NODAL: variants seen among roughly 807,000 people sequenced by gnomAD.
NODAL encodes the protein nodal growth differentiation factor.
NODAL carries 12 observed loss-of-function variants against 34.0 expected under a neutral mutation model. The ratio of observed to expected loss-of-function variants is 0.35; its 90% confidence interval spans 0.23 to 0.57. The LOEUF is 0.57. NODAL is among the 20% of genes least tolerant of loss of function. NODAL has a pLI of 0.83. For synonymous variants in NODAL, 162 were observed against 186.4 expected (o/e 0.87, Z 1.07); for missense variants, 390 against 444.2 (o/e 0.88, Z 1.10).
intron 1 of NODAL, 198 bp from the exon 2 acceptor site, chr10:70,436,181 T>C (rs1845351393): frequency 4.8e-6 from 3 of 623,342 alleles, no homozygotes; most frequent in Non-Finnish European, 8.6e-6. Flanking sequence ...TCAGTGTGGT[T>C]AAAAGATCTG....
chr10:70,432,864 G>T lies in NODAL; in HGVS notation c.*72C>A. 1.3e-6 allele frequency: 2 copies of T among 1,564,278 alleles called. No individual in the cohort carries two copies. Among genetic ancestry groups the T allele is most frequent in the African/African-American group, 1.4e-5 (1 of 74,014 alleles). On this transcript the variant is annotated 3_prime_UTR_variant, in exon 3 of 3. Coordinates refer to ENST00000287139, the MANE Select transcript of NODAL (RefSeq NM_018055.5). Reference sequence around the variant, plus strand: ...TCTGTTTCTCCTTACTGGATTAGATGGTTATCATGTCTTCCAGGAGTTTCC... The same window carrying T: ...TCTGTTTCTCCTTACTGGATTAGATTGTTATCATGTCTTCCAGGAGTTTCC...
At chr10:70,434,905 A>G (rs1845323229) in intron 2 of NODAL, 1 of 261,912 alleles carries the variant, frequency 3.8e-6, no homozygotes, top group Non-Finnish European at 7.5e-6. Context: ...CCTAAACAGT[A>G]TCACACAGCT....
chr10:70,435,773 T>C lies in NODAL; in HGVS notation c.404A>G (p.Asp135Gly), dbSNP rs761797212. ...CTGGGACAAAGTGACAGTGAATAGGTCCATCTGAAACCGCTCTAAGCAGCT... is the reference window on the plus strand; with the variant it reads ...CTGGGACAAAGTGACAGTGAATAGGCCCATCTGAAACCGCTCTAAGCAGCT... ...SDSCLERFQMDLFTVTLSQVT... is the reference protein window; with the variant it reads ...SDSCLERFQMGLFTVTLSQVT... Residue 135 changes from aspartate to glycine, a missense_variant, in exon 2 of 3, where the codon GAC (aspartate) becomes GGC (glycine). Asp to Gly is a moderately conservative substitution (Grantham distance 94). Coordinates refer to ENST00000287139, the MANE Select transcript of NODAL (RefSeq NM_018055.5). The C allele has an allele frequency of 5.6e-6, 9 of 1,614,086 alleles. No individual in the cohort carries two copies. Among genetic ancestry groups the C allele is most frequent in the Non-Finnish European group, 7.6e-6 (9 of 1,180,016 alleles).
upstream of NODAL, among the ~76,000 whole-genome samples, chr10:70,443,933 C>CTTTT (rs560719151): frequency 2.1e-5 from 3 of 143,854 alleles, no homozygotes; most frequent in East Asian, 4.2e-4. Flanking sequence ...GTTGACTCCC[C>CTTTT]TTTTTTTTTT....
chr10:70,441,230 C>A (rs1845426184), intron 1 of NODAL, among the ~76,000 whole-genome samples: 1 of 152,266 alleles, frequency 6.6e-6, no homozygotes, highest in Non-Finnish European at 1.5e-5. Context: ...GAGGACACAC[C>A]CTGAACGCTA....
chr10:70,433,113 C>A, intron 2 of NODAL, 25 bp from the exon 3 acceptor site: 1 of 1,613,030 alleles, frequency 6.2e-7, no homozygotes, highest in South Asian at 1.1e-5. Context: ...AAGGGTGTGT[C>A]AATTCACATC....
At chr10:70,436,170 C>T (rs1845351241) in intron 1 of NODAL, 187 bp from the exon 2 acceptor site, 1 of 641,480 alleles carries the variant, frequency 1.6e-6, no homozygotes, top group Admixed American at 2.4e-5. Context: ...AAAACTGAGG[C>T]TCAGTGTGGT....
upstream of NODAL, chr10:70,441,684 C>G: frequency 1.3e-6 from 2 of 1,548,360 alleles, no homozygotes; most frequent in Non-Finnish European, 1.7e-6. Flanking sequence ...CTGGCCAGGC[C>G]TGAAAGCAGC....
Position 70,441,467 on chromosome 10 carries a change from C to T in NODAL, c.193+8G>A. ...GCCCAGCAGGGCGCGGCACGCGGCACTGCCTACCTTCTGCCTGTAGGCTGC... is the reference window on the plus strand; with the variant it reads ...GCCCAGCAGGGCGCGGCACGCGGCATTGCCTACCTTCTGCCTGTAGGCTGC... On this transcript the variant is annotated splice_region_variant and intron_variant, in intron 1 of 2. Coordinates refer to ENST00000287139, the MANE Select transcript of NODAL (RefSeq NM_018055.5). The T allele has an allele frequency of 6.4e-7, 1 of 1,571,560 alleles. No homozygotes were observed. The highest frequency in any genetic ancestry group is 2.4e-5 in the East Asian group (1 of 42,086).
chr10:70,434,689 T>C (rs1009347025), intron 2 of NODAL: 1 of 154,746 alleles, frequency 6.5e-6, no homozygotes, highest in Admixed American at 6.3e-5. Flanking sequence ...GTAGAATGGG[T>C]AGTCAATTCT....
upstream of NODAL, among the ~76,000 whole-genome samples, chr10:70,444,026 C>CGGTTCA (rs1340007444): frequency 6.6e-6 from 1 of 150,614 alleles, no homozygotes; most frequent in African/African-American, 2.4e-5. Context: ...TCTGCCTCCC[C>CGGTTCA]GGTTCAAGCA....
At position 70,435,483 on chromosome 10, in the gene NODAL, C is replaced by T. The variant is rs1845334017; in HGVS notation, c.694G>A (p.Gly232Ser). 6.2e-7 allele frequency: 1 copy of T among 1,614,068 alleles called. No individual in the cohort carries two copies. The highest frequency in any genetic ancestry group is 1.6e-4 in the Middle Eastern group (1 of 6,084). The change falls in exon 2 of 3, where the codon GGC becomes AGC. Residue 232 changes from glycine to serine, a missense_variant. Gly to Ser is a moderately conservative substitution (Grantham distance 56). Transcript: ENST00000287139. The part of the protein sequence containing the change: ...AQEGQLSWEW[G>S]KRHRRHHLPD... ...AAGTGATGTCGACGGTGCCTCTTGC[C>T]CCACTCCCAGGACAGCTGTCCCTCC... is the stretch of plus-strand genomic sequence containing the variant.
At chr10:70,442,936 G>A (rs2132221608), upstream of NODAL, among the ~76,000 whole-genome samples, 1 of 152,170 alleles carries the variant, frequency 6.6e-6, no homozygotes, top group East Asian at 1.9e-4. Flanking sequence ...ATACAAAAAT[G>A]AGCCAGGCAT....
At chr10:70,446,693 A>G (rs774079207) in intron 1 of NODAL, among the ~76,000 whole-genome samples, 2 of 152,084 alleles carry the variant, frequency 1.3e-5, no homozygotes, top group African/African-American at 2.4e-5. Context: ...TATATTGCCT[A>G]TATAAGCAAT....
chr10:70,446,275 T>C (rs1005905056), upstream of NODAL, among the ~76,000 whole-genome samples: 6 of 152,270 alleles, frequency 3.9e-5, no homozygotes, highest in Middle Eastern at 3.4e-3. Context: ...ATGCTTTCCA[T>C]AGAGACATTT....
At chr10:70,444,762 C>T (rs931881299), upstream of NODAL, among the ~76,000 whole-genome samples, 21 of 152,134 alleles carry the variant, frequency 1.4e-4, no homozygotes, top group African/African-American at 3.9e-4. Context: ...GTAGACTAAA[C>T]GAAATGAATG....
At chr10:70,436,598 C>T (rs1450774930) in intron 1 of NODAL, 1 of 154,264 alleles carries the variant, frequency 6.5e-6, no homozygotes, top group Non-Finnish European at 1.4e-5. Flanking sequence ...TTTACAGACA[C>T]ATTGAGCTAG....
At chr10:70,447,885 CT>C (rs1845505914) in intron 1 of NODAL, 1 of 471,010 alleles carries the variant, frequency 2.1e-6, no homozygotes, top group Non-Finnish European at 4.4e-6. Flanking sequence ...TGAATTCAAT[CT>C]CATAAAGGCA....
intron 1 of NODAL, among the ~76,000 whole-genome samples, chr10:70,439,594 C>T (rs565612963): frequency 5.3e-5 from 8 of 152,198 alleles, no homozygotes; most frequent in African/African-American, 1.2e-4. Flanking sequence ...CAGATGTAAA[C>T]CCAATTGGAC....
Sources: allele counts gnomAD v4.1 joint callset (sites outside exome capture counted in the v4.1 genomes callset), GRCh38; gene constraint gnomAD v4.1.1; transcripts MANE v1.5; gene names NCBI Gene and HGNC (gene_info 2026-07-23, HGNC 2026-07-21).